IMMP2L: variants seen among roughly 807,000 people sequenced by gnomAD.
The protein encoded by IMMP2L is mitochondrial inner membrane protease subunit 2.
A neutral mutation model predicts 19.3 loss-of-function variants in IMMP2L; 18 were observed. The observed-to-expected ratio is 0.93, with a 90% CI of 0.64 to 1.38. The LOEUF is 1.38. Among genes scored for constraint, IMMP2L ranks in the 40% most tolerant of loss-of-function variants. The probability of loss-of-function intolerance (pLI) is 0.00; values close to 1 mark genes in which losing one functional copy is unlikely to be tolerated. For synonymous variants in IMMP2L, 76 were observed against 73.0 expected, an observed-to-expected ratio of 1.04 and a Z score of -0.21; for missense variants, 233 against 218.2, an observed-to-expected ratio of 1.07 and a Z score of -0.43.
intron 3 of IMMP2L, among the ~76,000 whole-genome samples, chr7:111,276,144 A>T (rs966895913): frequency 3.3e-5 from 5 of 152,000 alleles, no homozygotes; most frequent in Non-Finnish European, 5.9e-5. Flanking sequence ...TTTTGAGGAT[A>T]TTTATCATGA....
intron 5 of IMMP2L, among the ~76,000 whole-genome samples, chr7:110,716,437 T>C (rs900261543): frequency 6.6e-6 from 1 of 152,158 alleles, no homozygotes; most frequent in African/African-American, 2.4e-5. Flanking sequence ...AGCAGGTATC[T>C]TTCTTTTTGT....
intron 1 of IMMP2L, among the ~76,000 whole-genome samples, chr7:111,555,124 C>CT (rs2133132991): frequency 6.6e-6 from 1 of 152,234 alleles, no homozygotes; most frequent in Non-Finnish European, 1.5e-5. Flanking sequence ...TATCCAGGGC[C>CT]TTTACCATAG....
chr7:111,029,282 T>C (rs532650227), intron 3 of IMMP2L, among the ~76,000 whole-genome samples: 22 of 152,110 alleles, frequency 1.4e-4, no homozygotes, highest in Non-Finnish European at 2.6e-4. Context: ...CAGGGAAGGA[T>C]CTGGTTTCAG....
intron 3 of IMMP2L, among the ~76,000 whole-genome samples, chr7:111,323,192 T>C (rs577582800): frequency 1.1e-4 from 17 of 151,410 alleles, no homozygotes; most frequent in Non-Finnish European, 1.9e-4. Context: ...AAAAAGCTGG[T>C]TCTTTCAGGC....
At chr7:110,697,896 T>C (rs772484241) in intron 5 of IMMP2L, among the ~76,000 whole-genome samples, 5 of 152,228 alleles carry the variant, frequency 3.3e-5, no homozygotes, top group Non-Finnish European at 5.9e-5. Flanking sequence ...AAAGATGGCA[T>C]GTTGTCTTTG....
chr7:110,810,826 G>C (rs1457952716), intron 5 of IMMP2L, among the ~76,000 whole-genome samples: 1 of 152,068 alleles, frequency 6.6e-6, no homozygotes, highest in Non-Finnish European at 1.5e-5. Context: ...CCTCAAATAT[G>C]TGTTTTTCTT....
intron 5 of IMMP2L, among the ~76,000 whole-genome samples, chr7:110,852,965 A>G (rs1450460835): frequency 6.6e-6 from 1 of 152,082 alleles, no homozygotes; most frequent in Non-Finnish European, 1.5e-5. Flanking sequence ...GATCCCTGCC[A>G]AAGACTGAAG....
At chr7:111,051,434 G>A (rs1300455576) in intron 3 of IMMP2L, among the ~76,000 whole-genome samples, 2 of 152,138 alleles carry the variant, frequency 1.3e-5, no homozygotes, top group Non-Finnish European at 2.9e-5. Flanking sequence ...TCTTTGTTCT[G>A]TGTCCTCTGA....
At chr7:111,264,624 C>A (rs954372796) in intron 3 of IMMP2L, among the ~76,000 whole-genome samples, 8 of 151,532 alleles carry the variant, frequency 5.3e-5, no homozygotes, top group African/African-American at 1.9e-4. Context: ...GAAGACCAGG[C>A]ACTGACTGGC....
chr7:110,715,733 T>C (rs1405884437), intron 5 of IMMP2L, among the ~76,000 whole-genome samples: 1 of 149,068 alleles, frequency 6.7e-6, no homozygotes, highest in Non-Finnish European at 1.5e-5. Flanking sequence ...AGGCTGCGAT[T>C]GATGGGTTGA....
intron 4 of IMMP2L, among the ~76,000 whole-genome samples, chr7:110,887,004 A>C (rs1810289186): frequency 6.6e-6 from 1 of 152,156 alleles, no homozygotes; most frequent in Non-Finnish European, 1.5e-5. Flanking sequence ...AAATCCGGTA[A>C]GCCCTAACAA....
intron 3 of IMMP2L, among the ~76,000 whole-genome samples, chr7:111,186,123 T>C (rs767004260): frequency 6.6e-6 from 1 of 152,182 alleles, no homozygotes; most frequent in African/African-American, 2.4e-5. Context: ...ATAACATATA[T>C]TTTATTTTAT....
chr7:111,138,511 T>G (rs1802561887), intron 3 of IMMP2L, among the ~76,000 whole-genome samples: 1 of 152,196 alleles, frequency 6.6e-6, no homozygotes, highest in Non-Finnish European at 1.5e-5. Flanking sequence ...GGCAATATAA[T>G]TCATTGTTTC....
At chr7:110,793,002 CACTT>C (rs1800574036) in intron 5 of IMMP2L, among the ~76,000 whole-genome samples, 1 of 152,066 alleles carries the variant, frequency 6.6e-6, no homozygotes, top group East Asian at 1.9e-4. Flanking sequence ...TGCATGATCT[CACTT>C]ACACATGGAA....
intron 3 of IMMP2L, among the ~76,000 whole-genome samples, chr7:111,187,851 G>A (rs1808439966): frequency 1.3e-5 from 2 of 152,106 alleles, no homozygotes; most frequent in Admixed American, 1.3e-4. Context: ...ATCAAATCCA[G>A]GCAACCTGGC....
chr7:110,703,734 G>C (rs1794448399), intron 5 of IMMP2L, among the ~76,000 whole-genome samples: 1 of 152,156 alleles, frequency 6.6e-6, no homozygotes, highest in South Asian at 2.1e-4. Flanking sequence ...GTGTGATGAA[G>C]AATACTGCTT....
chr7:111,265,789 TGAGAAAGAAA>T (rs1562984430), intron 3 of IMMP2L, among the ~76,000 whole-genome samples: 1 of 152,064 alleles, frequency 6.6e-6, no homozygotes, highest in African/African-American at 2.4e-5. Context: ...TCTAAAAATA[TGAGAAAGAAA>T]GAGAAAGAAA....
chr7:110,871,676 TG>T (rs1217791400), intron 5 of IMMP2L, among the ~76,000 whole-genome samples: 1 of 151,478 alleles, frequency 6.6e-6, no homozygotes, highest in Non-Finnish European at 1.5e-5. Context: ...GGTAGAAAGG[TG>T]AAAAGAAAAA....
chr7:110,951,613 A>G (rs1478306535), intron 4 of IMMP2L, among the ~76,000 whole-genome samples: 1 of 151,864 alleles, frequency 6.6e-6, no homozygotes, highest in Non-Finnish European at 1.5e-5. Context: ...GGTCTTCAAA[A>G]TAATCCAGAA....
Sources: allele counts gnomAD v4.1 joint callset (sites outside exome capture counted in the v4.1 genomes callset), GRCh38; gene constraint gnomAD v4.1.1; transcripts MANE v1.5; gene names NCBI Gene and HGNC (gene_info 2026-07-23, HGNC 2026-07-21).